The following ANO6 variants were observed in gnomAD, a reference collection of about 807,000 sequenced individuals.
The protein encoded by ANO6 is anoctamin-6.
In ANO6, 106 loss-of-function variants were observed where a neutral mutation model predicts 117.5. The observed-to-expected ratio is 0.90, with a 90% CI of 0.77 to 1.06. The LOEUF is 1.06. Among genes scored for constraint, ANO6 ranks in the 50% least tolerant of loss-of-function variants. The pLI is 0.00. For missense variants in ANO6, 955 were observed against 1,121.1 expected, an observed-to-expected ratio of 0.85 and a Z score of 2.12; for synonymous variants, 367 against 385.1, an observed-to-expected ratio of 0.95 and a Z score of 0.55.
In ANO6 at chr12:45,254,659, C is replaced by T. The variant is rs200564320; in HGVS notation, c.70+38268C>T. Among the ~76,000 whole-genome samples the T allele has an allele frequency of 3.3e-5, 5 of 152,300 alleles. No homozygotes were observed. In the East Asian group the frequency reaches 9.6e-4, roughly 29 times the overall value. On this transcript the variant is annotated intron_variant, in intron 1 of 19. Transcript: ENST00000320560. ...TTTGGCTAATCAAATGTTTATCACACTTTGGAGTGAACATAAAATAGTGAC... is the reference window on the plus strand; with the variant it reads ...TTTGGCTAATCAAATGTTTATCACATTTTGGAGTGAACATAAAATAGTGAC...
chr12:45,375,756 A>G (rs1376770621), intron 9 of ANO6, among the ~76,000 whole-genome samples: 1 of 151,228 alleles, frequency 6.6e-6, no homozygotes, highest in Non-Finnish European at 1.5e-5. Context: ...AAAACCCTAG[A>G]AGAAAACCTA....
chr12:45,364,237 C>A lies in ANO6; in HGVS notation c.999-3451C>A, dbSNP rs74970987. Among the ~76,000 whole-genome samples, 1,041 of 152,220 alleles carry A rather than the reference C, an allele frequency of 6.8e-3. 19 individuals are homozygous for A. The highest frequency in any genetic ancestry group is 0.024 in the African/African-American group (988 of 41,524). ...CTATCATCATTCTTTGCCATGATTT[C>A]TTTGGCTTTGTCTTTACACTTTGAA... On this transcript the variant is annotated intron_variant, in intron 8 of 19. Coordinates refer to ENST00000320560, the MANE Select transcript of ANO6 (RefSeq NM_001025356.3).
At chr12:45,287,088 C>A (rs1938941968) in intron 1 of ANO6, among the ~76,000 whole-genome samples, 1 of 152,184 alleles carries the variant, frequency 6.6e-6, no homozygotes, top group African/African-American at 2.4e-5. Flanking sequence ...ATGGAACTTA[C>A]ATACTTTATG....
intron 10 of ANO6, 114 bp downstream of exon 10, chr12:45,378,227 C>G: frequency 2.0e-6 from 2 of 998,000 alleles, no homozygotes; most frequent in Non-Finnish European, 3.0e-6. Context: ...TTCAACTCCC[C>G]TAGAATTCCA....
At chr12:45,346,872 CT>C in intron 3 of ANO6, 149 bp from the exon 4 acceptor site, 1 of 709,524 alleles carries the variant, frequency 1.4e-6, no homozygotes, top group Admixed American at 2.1e-5. Context: ...TGCTTCATTT[CT>C]TCTATTCCAT....
chr12:45,433,370 AG>A (rs1374802974), downstream of ANO6, among the ~76,000 whole-genome samples: 2 of 152,174 alleles, frequency 1.3e-5, no homozygotes, highest in Non-Finnish European at 2.9e-5. Context: ...TACCGATACA[AG>A]GGCAGTGGAT....
At chr12:45,324,188 C>T (rs1412080537) in intron 2 of ANO6, among the ~76,000 whole-genome samples, 2 of 152,120 alleles carry the variant, frequency 1.3e-5, no homozygotes, top group African/African-American at 4.8e-5. Flanking sequence ...CCACCTCGAC[C>T]TCCCAAAGTG....
rs529315494 is a variant in ANO6, at chr12:45,268,051, A to G, written c.71-33963A>G. Among the ~76,000 whole-genome samples the G allele has an allele frequency of 2.0e-4, 30 of 152,362 alleles. 1 individual carries two copies. In the South Asian group the frequency reaches 6.2e-3, roughly 32 times the overall value. Reference sequence around the variant, plus strand: ...GGCCAGGTGCATTTTTTAATGTATTAGTGTGTCAGAGAGAGTACAGATATC... The same window carrying G: ...GGCCAGGTGCATTTTTTAATGTATTGGTGTGTCAGAGAGAGTACAGATATC... On this transcript the variant is annotated intron_variant, in intron 1 of 19. Transcript: ENST00000320560.
intron 1 of ANO6, among the ~76,000 whole-genome samples, chr12:45,289,422 A>C (rs1939024826): frequency 6.6e-6 from 1 of 152,046 alleles, no homozygotes; most frequent in South Asian, 2.1e-4. Context: ...TGGCCTCCCA[A>C]AGTACTGGGA....
intron 1 of ANO6, among the ~76,000 whole-genome samples, chr12:45,284,730 G>A (rs947581170): frequency 5.1e-4 from 77 of 152,184 alleles, no homozygotes; most frequent in African/African-American, 1.6e-3. Context: ...AAGACCTACT[G>A]TAATGCTTAG....
chr12:45,330,218 G>A lies in ANO6; in HGVS notation c.151-1077G>A, dbSNP rs939736468. Among the ~76,000 whole-genome samples, 15 of 152,214 alleles carry A rather than the reference G, an allele frequency of 9.9e-5. 1 individual carries two copies. In the South Asian group the frequency reaches 2.9e-3, roughly 29 times the overall value. On this transcript the variant is annotated intron_variant, in intron 2 of 19. Coordinates refer to ENST00000320560, the MANE Select transcript of ANO6 (RefSeq NM_001025356.3). ...GTGTTCCACAGTGGAAAAGGGGAAA[G>A]GAATGATAAATATCACGTTTCATAT...
chr12:45,414,762 C>G (rs1943171613), intron 16 of ANO6, among the ~76,000 whole-genome samples: 1 of 152,112 alleles, frequency 6.6e-6, no homozygotes. Flanking sequence ...CACTTTTCAG[C>G]TTTTCTTTTC....
chr12:45,223,017 C>A lies in ANO6; in HGVS notation c.70+6626C>A, dbSNP rs1353564258. On this transcript the variant is annotated intron_variant, in intron 1 of 19. Coordinates refer to ENST00000320560, the MANE Select transcript of ANO6 (RefSeq NM_001025356.3). ...TCTGGATAGCTGAACAGTGGAGGTA[C>A]CTGAAGGTAGCTTGCCCTGGGAGGG... 3.7e-4 allele frequency among the ~76,000 whole-genome samples: 56 copies of A among 152,220 alleles called. 1 individual carries two copies. Among genetic ancestry groups the A allele is most frequent in the Admixed American group, 3.7e-3 (56 of 15,284 alleles).
chr12:45,338,129 T>A (rs937324945), intron 3 of ANO6, among the ~76,000 whole-genome samples: 2 of 152,106 alleles, frequency 1.3e-5, no homozygotes, highest in African/African-American at 2.4e-5. Context: ...CTCAACTTCT[T>A]AGTTGCCAAA....
At position 45,216,399 on chromosome 12, in the gene ANO6, A is replaced by G; in HGVS notation, c.70+8A>G. ...ACGACGATGGGGATATCGGTGAGCG[A>G]GGGGTCCCCGCGTCCCCACCCGAGA... On this transcript the variant is annotated splice_region_variant and intron_variant, in intron 1 of 19. Coordinates refer to ENST00000320560, the MANE Select transcript of ANO6 (RefSeq NM_001025356.3). The G allele has an allele frequency of 6.2e-7, 1 of 1,609,970 alleles. No individual in the cohort carries two copies. Among genetic ancestry groups the G allele is most frequent in the East Asian group, 2.2e-5 (1 of 44,736 alleles).
chr12:45,399,207 G>GT (rs71437719), intron 12 of ANO6, among the ~76,000 whole-genome samples: 11,854 of 151,908 alleles, frequency 0.078, 639 homozygotes, highest in Non-Finnish European at 0.12. Context: ...TTTGTTTTTT[G>GT]TTTTTTTGAG....
At chr12:45,295,140 C>A (rs1939244932) in intron 1 of ANO6, among the ~76,000 whole-genome samples, 2 of 152,212 alleles carry the variant, frequency 1.3e-5, no homozygotes. Flanking sequence ...CAATACATAG[C>A]CATCATGCTC....
chr12:45,262,934 G>C (rs1399859172), intron 1 of ANO6, among the ~76,000 whole-genome samples: 1 of 152,182 alleles, frequency 6.6e-6, no homozygotes, highest in Admixed American at 6.5e-5. Context: ...GGACCTGTTG[G>C]AGGAAATGGC....
rs150455668 is a variant in ANO6 at position 45,341,958 on chromosome 12, G to A, written c.280-5064G>A. ...CTTATCATATGCCAAGCATCATGCC[G>A]AGTGCTTTATGCCCATGATCATGCT... On this transcript the variant is annotated intron_variant, in intron 3 of 19. Coordinates refer to ENST00000320560, the MANE Select transcript of ANO6 (RefSeq NM_001025356.3). Among the ~76,000 whole-genome samples, 138 of 152,208 alleles carry A rather than the reference G, an allele frequency of 9.1e-4. 2 individuals carry two copies. Among genetic ancestry groups the A allele is most frequent in the African/African-American group, 3.2e-3 (131 of 41,550 alleles).
Sources: allele counts gnomAD v4.1 joint callset (sites outside exome capture counted in the v4.1 genomes callset), GRCh38; gene constraint gnomAD v4.1.1; transcripts MANE v1.5; gene names NCBI Gene and HGNC (gene_info 2026-07-23, HGNC 2026-07-21).